The following CNP variants were observed in gnomAD, a reference collection of about 807,000 sequenced individuals.
The protein encoded by CNP is 2',3'-cyclic-nucleotide 3'-phosphodiesterase.
CNP carries 8 observed loss-of-function variants against 37.9 expected under a neutral mutation model. The observed-to-expected ratio is 0.21, with a 90% CI of 0.12 to 0.38. The LOEUF is 0.38. Ranked by LOEUF, CNP falls within the 10% of genes least tolerant of loss-of-function variation. The pLI is 1.00. For synonymous variants in CNP, 237 were observed against 238.3 expected (o/e 0.99, Z 0.05); for missense variants, 457 against 551.0 (o/e 0.83, Z 1.71).
chr17:41,966,973 A>ACGAGGACCCGGGGCTC, intron 1 of CNP, 86 bp downstream of exon 1: 1 of 1,247,990 alleles, frequency 8.0e-7, no homozygotes, highest in Non-Finnish European at 1.0e-6. Flanking sequence ...CGTCTTGCAA[A>ACGAGGACCCGGGGCTC]CGAGGACCCG....
chr17:41,971,365 G>T (rs2050985584), intron 2 of CNP: 2 of 152,602 alleles, frequency 1.3e-5, no homozygotes. Context: ...GAGATGGAAA[G>T]ATCTATACAA....
chr17:41,967,803 C>T (rs2050924388), intron 1 of CNP: 3 of 1,298,792 alleles, frequency 2.3e-6, no homozygotes, highest in Non-Finnish European at 2.9e-6. Flanking sequence ...CCGCAGGCTC[C>T]TGGCGCGCCC....
rs965476835 is a variant in CNP at position 41,968,009 on chromosome 17, A to G, written c.4-59A>G. 1.9e-6 allele frequency: 3 copies of G among 1,564,128 alleles called. No homozygotes were observed. The highest frequency in any genetic ancestry group is 2.7e-5 in the African/African-American group (2 of 74,116). ...CACAACCAGTCTAGGGACTAGGGGT[A>G]AGGCCGGCGGGGAGCCCGCGAATGA... On this transcript the variant is annotated intron_variant, in intron 1 of 3. Transcript: ENST00000393892. The surrounding 1 kb of genome is among the most constrained non-coding windows in gnomAD (Gnocchi z 4.8).
At chr17:41,970,725 G>C (rs2050974299) in intron 2 of CNP, 1 of 152,212 alleles carries the variant, frequency 6.6e-6, no homozygotes, top group Admixed American at 6.5e-5. Context: ...CCCAGGATTA[G>C]AGCAGGAGAA....
At chr17:41,973,332 T>C (rs2051018802) in intron 3 of CNP, 143 bp from the exon 4 acceptor site, 2 of 777,708 alleles carry the variant, frequency 2.6e-6, no homozygotes, top group Admixed American at 4.6e-5. Context: ...TAGTGGATGC[T>C]GGGCCTATAC....
In CNP at chr17:41,977,115, A is replaced by G. The variant is rs1253477030; in HGVS notation, c.*3191A>G. The G allele has an allele frequency of 1.2e-6, 1 of 846,090 alleles. No individual in the cohort carries two copies. Among genetic ancestry groups the G allele is most frequent in the Non-Finnish European group, 1.8e-6 (1 of 542,696 alleles). 52.4% of individuals were successfully genotyped at this position (846,090 alleles called of 1,614,324 possible). A position where few individuals can be genotyped will look rare whatever the true frequency, so the allele number is the denominator to read the frequency against. ...GAACCTTCCTGTCTTCATCCTTAGC[A>G]ACAGCCGAGTGGATAGATGCCCTGC... On this transcript the variant is annotated 3_prime_UTR_variant, in exon 4 of 4. Transcript: ENST00000393892.
chr17:41,968,529 G>T lies in CNP; in HGVS notation c.465G>T (p.Arg155=). 6.2e-7 allele frequency: 1 copy of T among 1,614,148 alleles called. No homozygotes were observed. The highest frequency in any genetic ancestry group is 1.1e-5 in the South Asian group (1 of 91,086). ...TGGTGGAGCCCAAGACGGCGTGGCG[G>T]CTGGACTGTGCCCAGCTCAAGGAGA... is the stretch of plus-strand genomic sequence containing the variant. ...VVLVEPKTAW[R]LDCAQLKEKN... Residue 155 remains arginine, a synonymous_variant, in exon 2 of 4, where the codon CGG becomes CGT. Coordinates refer to ENST00000393892, the MANE Select transcript of CNP (RefSeq NM_033133.5). The surrounding 1 kb of genome is among the most constrained non-coding windows in gnomAD (Gnocchi z 4.8).
Position 41,973,613 on chromosome 17 carries a change from C to T in CNP, c.955C>T (p.Pro319Ser), listed in dbSNP as rs782261384. The T allele has an allele frequency of 2.5e-6, 4 of 1,614,104 alleles. No individual in the cohort carries two copies. The highest frequency in any genetic ancestry group is 1.3e-5 in the African/African-American group (1 of 74,958). ...GCCGAGTGATGTGGACAAGCTGTCA[C>T]CCACTGACAACCTGCCGCGGGGGAG... Reference protein sequence around the residue: ...LWPSDVDKLSPTDNLPRGSRA... With the variant: ...LWPSDVDKLSSTDNLPRGSRA... Residue 319 changes from proline (P) to serine (S), a missense_variant, in exon 4 of 4, where the codon CCC becomes TCC. Pro to Ser is a moderately conservative substitution (Grantham distance 74). Coordinates refer to ENST00000393892, the MANE Select transcript of CNP (RefSeq NM_033133.5).
At position 41,976,691 on chromosome 17, in the gene CNP, G is replaced by A. The variant is rs782688530; in HGVS notation, c.*2767G>A. 5 of 1,604,020 alleles carry A rather than the reference G, an allele frequency of 3.1e-6. No individual in the cohort carries two copies. The highest frequency in any genetic ancestry group is 4.2e-6 in the Non-Finnish European group (5 of 1,176,706). ...CTGTTTCCACATTCAAGATTAAACT[G>A]AGTGAATCTGCATTTTCTGGGTTCT... is the stretch of plus-strand genomic sequence containing the variant. On this transcript the variant is annotated 3_prime_UTR_variant, in exon 4 of 4. Transcript: ENST00000393892.
Position 41,973,981 on chromosome 17 carries a change from CTGTTTGA to C in CNP, c.*59_*65del. On this transcript the variant is annotated 3_prime_UTR_variant, in exon 4 of 4. Transcript: ENST00000393892. ...GGAAGGGGAGAGGGAAACGTGCCCT[CTGTTTGA>C]TCCTTGTTTTGTGACATTTTTTTTT... The C allele has an allele frequency of 3.3e-6, 4 of 1,209,222 alleles. No homozygotes were observed. Among genetic ancestry groups the C allele is most frequent in the South Asian group, 2.3e-5 (1 of 44,242 alleles). 74.9% of individuals were successfully genotyped at this position (1,209,222 alleles called of 1,614,324 possible). A position where few individuals can be genotyped will look rare whatever the true frequency, so the allele number is the denominator to read the frequency against.
chr17:41,969,876 ATCT>A (rs2050959883), intron 2 of CNP, among the ~76,000 whole-genome samples: 2 of 152,102 alleles, frequency 1.3e-5, no homozygotes, highest in Admixed American at 1.3e-4. Context: ...ATTTTAGATG[ATCT>A]TCATGCCTGA....
Position 41,968,867 on chromosome 17 carries a change from C to A in CNP, c.676+127C>A. The A allele has an allele frequency of 1.7e-6, 2 of 1,157,158 alleles. No homozygotes were observed. Among genetic ancestry groups the A allele is most frequent in the Non-Finnish European group, 2.4e-6 (2 of 842,030 alleles). 71.7% of individuals were successfully genotyped at this position (1,157,158 alleles called of 1,614,324 possible). ...GGAGGCAGAGAGAGGCTCACCTCAG[C>A]GGGGGCAGGGGCAAGCGGTGCGTCC... On this transcript the variant is annotated intron_variant, in intron 2 of 3. Transcript: ENST00000393892. The surrounding 1 kb of genome is among the most constrained non-coding windows in gnomAD (Gnocchi z 4.8).
In CNP at chr17:41,976,619, C is replaced by T. The variant is rs370498974; in HGVS notation, c.*2695C>T. ...GACACAGGGCATCCAACTGAGAAAA[C>T]GAAACTGCTCTAAGCACACGGAGAC... On this transcript the variant is annotated 3_prime_UTR_variant, in exon 4 of 4. Coordinates refer to ENST00000393892, the MANE Select transcript of CNP (RefSeq NM_033133.5). The T allele has an allele frequency of 2.8e-5, 39 of 1,396,096 alleles. 1 individual carries two copies. Among genetic ancestry groups the T allele is most frequent in the East Asian group, 2.7e-4 (11 of 40,530 alleles). 86.5% of individuals were successfully genotyped at this position (1,396,096 alleles called of 1,614,324 possible). A position where few individuals can be genotyped will look rare whatever the true frequency, so the allele number is the denominator to read the frequency against.
In CNP at chr17:41,973,682, G is replaced by C. The variant is rs781940101; in HGVS notation, c.1024G>C (p.Val342Leu). 6.2e-7 allele frequency: 1 copy of C among 1,613,682 alleles called. No homozygotes were observed. The highest frequency in any genetic ancestry group is 1.3e-5 in the African/African-American group (1 of 74,938). The change falls in exon 4 of 4, where the codon GTG (valine) becomes CTG (leucine). Residue 342 changes from valine (V) to leucine (L), a missense_variant. Physicochemically the swap from Val to Leu is conservative, Grantham distance 32 (BLOSUM62 1). Coordinates refer to ENST00000393892, the MANE Select transcript of CNP (RefSeq NM_033133.5). ...TLGCAADVEA[V>L]QTGLDLLEIL... ...CGGCTGTGCAGCTGACGTAGAGGCCGTGCAGACGGGCCTTGACCTCTTAGA... is the reference window on the plus strand; with the variant it reads ...CGGCTGTGCAGCTGACGTAGAGGCCCTGCAGACGGGCCTTGACCTCTTAGA...
Position 41,976,622 on chromosome 17 carries a change from A to G in CNP, c.*2698A>G, listed in dbSNP as rs1366714264. The G allele has an allele frequency of 7.0e-7, 1 of 1,429,348 alleles. No individual in the cohort carries two copies. The highest frequency in any genetic ancestry group is 2.4e-5 in the Admixed American group (1 of 41,418). 88.5% of individuals were successfully genotyped at this position (1,429,348 alleles called of 1,614,324 possible). A position where few individuals can be genotyped will look rare whatever the true frequency, so the allele number is the denominator to read the frequency against. ...ACAGGGCATCCAACTGAGAAAACGA[A>G]ACTGCTCTAAGCACACGGAGACGTG... On this transcript the variant is annotated 3_prime_UTR_variant, in exon 4 of 4. Transcript: ENST00000393892.
Position 41,966,898 on chromosome 17 carries a change from G to C in CNP, c.3+11G>C. The C allele has an allele frequency of 7.5e-7, 1 of 1,341,718 alleles. No homozygotes were observed. The highest frequency in any genetic ancestry group is 9.5e-7 in the Non-Finnish European group (1 of 1,047,828). 83.1% of individuals were successfully genotyped at this position (1,341,718 alleles called of 1,614,324 possible). On this transcript the variant is annotated intron_variant, in intron 1 of 3. Transcript: ENST00000393892. ...CCCCTCCTCATCATGGTGAGAGGCCGGGCGGGGCCGGGCACGGGGTAGCAC... is the reference window on the plus strand; with the variant it reads ...CCCCTCCTCATCATGGTGAGAGGCCCGGCGGGGCCGGGCACGGGGTAGCAC...
intron 3 of CNP, 89 bp from the exon 4 acceptor site, chr17:41,973,386 C>T (rs570818235): frequency 4.8e-6 from 6 of 1,256,962 alleles, no homozygotes; most frequent in South Asian, 2.8e-5. Flanking sequence ...ACTTCCCCTT[C>T]TCTCCTCCAG....
In CNP at chr17:41,976,574, T is replaced by C; in HGVS notation, c.*2650T>C. 1 of 903,484 alleles carries C rather than the reference T, an allele frequency of 1.1e-6. No individual in the cohort carries two copies. The highest frequency in any genetic ancestry group is 1.8e-5 in the South Asian group (1 of 56,594). The allele number at this position is 903,484 out of a possible 1,614,324, so 56.0% of individuals were successfully genotyped here. On this transcript the variant is annotated 3_prime_UTR_variant, in exon 4 of 4. Coordinates refer to ENST00000393892, the MANE Select transcript of CNP (RefSeq NM_033133.5). ...CTCGGTCTTCGGCATTGGTTCCCTTTGCTCCACCCCACTCACAGAGACACA... is the reference window on the plus strand; with the variant it reads ...CTCGGTCTTCGGCATTGGTTCCCTTCGCTCCACCCCACTCACAGAGACACA...
intron 2 of CNP, among the ~76,000 whole-genome samples, chr17:41,969,360 G>T (rs1319250937): frequency 6.6e-6 from 1 of 152,144 alleles, no homozygotes; most frequent in Non-Finnish European, 1.5e-5. Flanking sequence ...ACCCAGGAGG[G>T]ATGTGGGGTT....
Sources: gnomAD v4.1 joint callset for allele counts (sites outside exome capture counted in the v4.1 genomes callset) on GRCh38, gnomAD v4.1.1 for gene constraint, Gnocchi (gnomAD v3.1) non-coding constraint, MANE v1.5 for transcripts, NCBI Gene and HGNC (gene_info 2026-07-23, HGNC 2026-07-21) for gene names.